The following KCNT2 variants were observed in gnomAD, a reference collection of about 807,000 sequenced individuals.
The protein encoded by KCNT2 is potassium channel subfamily T member 2.
A neutral mutation model predicts 153.8 loss-of-function variants in KCNT2; 67 were observed. The observed-to-expected ratio is 0.44, with a 90% confidence interval of 0.36 to 0.53. The LOEUF (loss-of-function observed/expected upper bound fraction) is 0.53. KCNT2 is among the 20% of genes least tolerant of loss of function. The pLI, the probability that KCNT2 is intolerant of heterozygous loss-of-function variation, is 0.00. For missense variants in KCNT2, 975 were observed against 1,354.8 expected, an observed-to-expected ratio of 0.72 and a Z score of 4.40; for synonymous variants, 500 against 458.8, an observed-to-expected ratio of 1.09 and a Z score of -1.15.
chr1:196,483,719 TC>T (rs1679196320), intron 3 of KCNT2, among the ~76,000 whole-genome samples: 1 of 152,140 alleles, frequency 6.6e-6, no homozygotes, highest in Non-Finnish European at 1.5e-5. Flanking sequence ...ATCACACCTT[TC>T]CTGCCACTCA....
chr1:196,447,759 C>A (rs536367869), intron 8 of KCNT2, among the ~76,000 whole-genome samples: 4 of 150,520 alleles, frequency 2.7e-5, no homozygotes, highest in Non-Finnish European at 5.9e-5. Context: ...AGAAGATAGA[C>A]GAAAAAAGTT....
chr1:196,600,328 G>A (rs988540462), intron 1 of KCNT2, among the ~76,000 whole-genome samples: 1 of 152,230 alleles, frequency 6.6e-6, no homozygotes. Context: ...GGGACAAATT[G>A]TGAAGCCAAA....
At chr1:196,419,610 G>A (rs1404864227) in intron 12 of KCNT2, among the ~76,000 whole-genome samples, 2 of 151,400 alleles carry the variant, frequency 1.3e-5, no homozygotes, top group African/African-American at 2.4e-5. Context: ...TGGTTCCAAG[G>A]ACATTTGGGT....
intron 1 of KCNT2, among the ~76,000 whole-genome samples, chr1:196,557,333 G>T (rs187100899): frequency 7.9e-5 from 12 of 151,236 alleles, no homozygotes; most frequent in Admixed American, 7.3e-4. Context: ...ATGACATAAA[G>T]GGATGGTACA....
intron 4 of KCNT2, 104 bp from the exon 5 acceptor site, chr1:196,479,342 T>C (rs1678806884): frequency 3.1e-6 from 2 of 647,406 alleles, no homozygotes; most frequent in Admixed American, 5.8e-5. Flanking sequence ...CATGTATACA[T>C]ATATGGGTGT....
intron 8 of KCNT2, among the ~76,000 whole-genome samples, chr1:196,432,554 C>T (rs970973439): frequency 6.6e-6 from 1 of 152,130 alleles, no homozygotes; most frequent in Non-Finnish European, 1.5e-5. Context: ...TATTCTCAAA[C>T]CTCAGGATTT....
At chr1:196,384,115 T>C (rs1389090356) in intron 13 of KCNT2, among the ~76,000 whole-genome samples, 1 of 152,198 alleles carries the variant, frequency 6.6e-6, no homozygotes, top group African/African-American at 2.4e-5. Context: ...TCATAATGCA[T>C]ATGTATATCA....
chr1:196,477,809 A>G (rs1353822408), intron 5 of KCNT2, among the ~76,000 whole-genome samples: 1 of 152,194 alleles, frequency 6.6e-6, no homozygotes, highest in African/African-American at 2.4e-5. Flanking sequence ...CATCTCCATC[A>G]ACATAAGCCT....
intron 20 of KCNT2, among the ~76,000 whole-genome samples, chr1:196,317,732 G>A (rs1454456690): frequency 1.3e-5 from 2 of 151,706 alleles, no homozygotes; most frequent in African/African-American, 4.8e-5. Context: ...TGACGTTGAA[G>A]TGAACATTTG....
At chr1:196,423,198 T>C in intron 11 of KCNT2, 85 bp from the exon 12 acceptor site, 2 of 821,176 alleles carry the variant, frequency 2.4e-6, no homozygotes, top group Non-Finnish European at 2.0e-6. Context: ...CTTGAGTCCA[T>C]ATATTGCACA....
chr1:196,451,581 G>A (rs1014020756), intron 8 of KCNT2, among the ~76,000 whole-genome samples: 6 of 150,470 alleles, frequency 4.0e-5, no homozygotes, highest in African/African-American at 1.5e-4. Context: ...GCACTTTTTT[G>A]TTATCCCTTT....
At chr1:196,345,127 A>T (rs1666031471) in intron 14 of KCNT2, among the ~76,000 whole-genome samples, 1 of 152,190 alleles carries the variant, frequency 6.6e-6, no homozygotes, top group East Asian at 1.9e-4. Context: ...GGCAGTTAAC[A>T]AAAAAGGTAA....
At chr1:196,352,684 GT>G (rs1443508800) in intron 14 of KCNT2, among the ~76,000 whole-genome samples, 1 of 152,012 alleles carries the variant, frequency 6.6e-6, no homozygotes, top group Middle Eastern at 3.2e-3. Flanking sequence ...TTTTTGAAGG[GT>G]TTTTTGTGCC....
intron 21 of KCNT2, among the ~76,000 whole-genome samples, chr1:196,310,411 A>T (rs1233718031): frequency 6.6e-6 from 1 of 151,862 alleles, no homozygotes; most frequent in Non-Finnish European, 1.5e-5. Flanking sequence ...GTTAGTAATA[A>T]ATGACAGTAT....
chr1:196,262,746 T>C (rs527969030), intron 25 of KCNT2, among the ~76,000 whole-genome samples: 2 of 152,240 alleles, frequency 1.3e-5, no homozygotes, highest in African/African-American at 4.8e-5. Flanking sequence ...TGTATATTGA[T>C]GCATTTCCAA....
intron 5 of KCNT2, 55 bp from the exon 6 acceptor site, chr1:196,469,123 G>A: frequency 1.0e-6 from 1 of 988,200 alleles, no homozygotes. Flanking sequence ...TCCTATTAAA[G>A]GGGGAAAAAG....
intron 25 of KCNT2, among the ~76,000 whole-genome samples, chr1:196,279,343 C>G (rs1388573813): frequency 1.3e-5 from 2 of 152,050 alleles, no homozygotes; most frequent in African/African-American, 4.8e-5. Context: ...TCATTCTTTG[C>G]AGTGTGAACC....
At chr1:196,305,053 C>T (rs78942107) in intron 22 of KCNT2, among the ~76,000 whole-genome samples, 181 bp downstream of exon 22, 8 of 152,072 alleles carry the variant, frequency 5.3e-5, no homozygotes, top group East Asian at 1.9e-4. Flanking sequence ...TGATATAAAT[C>T]GTTCAAATCT....
At chr1:196,327,878 C>T (rs1033784062) in intron 18 of KCNT2, among the ~76,000 whole-genome samples, 1 of 151,620 alleles carries the variant, frequency 6.6e-6, no homozygotes, top group Admixed American at 6.6e-5. Flanking sequence ...CTCAAGCAAT[C>T]CACCCACCTC....
Sources: allele counts gnomAD v4.1 joint callset (sites outside exome capture counted in the v4.1 genomes callset), GRCh38; gene constraint gnomAD v4.1.1; transcripts MANE v1.5; gene names NCBI Gene and HGNC (gene_info 2026-07-23, HGNC 2026-07-21).